UNC45B: variants seen among roughly 807,000 people sequenced by gnomAD.
UNC45B encodes unc-45 myosin chaperone B, also known as protein unc-45 homolog B.
Under a neutral mutation model 98.7 loss-of-function variants are expected in UNC45B, and 78 were observed. The observed-to-expected ratio is 0.79, with a 90% confidence interval of 0.66 to 0.95. The LOEUF is 0.95. Among genes scored for constraint, UNC45B ranks in the 40% least tolerant of loss-of-function variants. The pLI is 0.00. For missense variants in UNC45B, 1,225 were observed against 1,184.9 expected (o/e 1.03, Z -0.50); for synonymous variants, 462 against 480.4 (o/e 0.96, Z 0.50).
At chr17:35,155,898 T>C (rs544348814) in intron 7 of UNC45B, among the ~76,000 whole-genome samples, 5 of 152,306 alleles carry the variant, frequency 3.3e-5, no homozygotes, top group African/African-American at 1.2e-4. Flanking sequence ...ATTATAAAAG[T>C]AACAGGCATA....
chr17:35,176,085 C>T, intron 15 of UNC45B, 51 bp downstream of exon 15: 1 of 1,575,862 alleles, frequency 6.3e-7, no homozygotes, highest in Non-Finnish European at 8.7e-7. Flanking sequence ...TGCTCTTTGC[C>T]TAGCGCAAGA....
At chr17:35,169,751 C>T (rs2092169162) in intron 10 of UNC45B, 86 bp from the exon 11 acceptor site, 2 of 1,198,476 alleles carry the variant, frequency 1.7e-6, no homozygotes, top group Admixed American at 3.5e-5. Flanking sequence ...GTGTTCTGGC[C>T]ATAGAAACCT....
Position 35,177,573 on chromosome 17 carries a change from G to C in UNC45B, c.2218G>C (p.Gly740Arg), listed in dbSNP as rs2092243805. 6.4e-7 allele frequency: 1 copy of C among 1,559,670 alleles called. No individual in the cohort carries two copies. Among genetic ancestry groups the C allele is most frequent in the African/African-American group, 1.4e-5 (1 of 73,398 alleles). ...DGLQNYEALL[G>R]LTNLSGRSDK... ...GCTTCAGAACTATGAGGCTCTCCTAGGCCTCACCAACCTGTCTGGGCGGAG... is the reference window on the plus strand; with the variant it reads ...GCTTCAGAACTATGAGGCTCTCCTACGCCTCACCAACCTGTCTGGGCGGAG... Residue 740 changes from glycine (G) to arginine (R), a missense_variant, in exon 17 of 20, where the codon GGC becomes CGC. By Grantham distance (125) the Gly-to-Arg change is moderately radical. Coordinates refer to ENST00000394570, the MANE Select transcript of UNC45B (RefSeq NM_001267052.2).
intron 12 of UNC45B, 55 bp from the exon 13 acceptor site, chr17:35,171,267 G>C: frequency 6.3e-7 from 1 of 1,593,316 alleles, no homozygotes; most frequent in Non-Finnish European, 8.6e-7. Context: ...GGAAGCAGAG[G>C]TTTGTCCTAA....
chr17:35,163,891 G>T (rs919444092), intron 8 of UNC45B, 104 bp from the exon 9 acceptor site: 1 of 1,292,760 alleles, frequency 7.7e-7, no homozygotes, highest in Non-Finnish European at 1.0e-6. Context: ...GTTTTCTACA[G>T]ACAGGGCTGG....
rs564845439 is a variant in UNC45B at position 35,159,521 on chromosome 17, C to A, written c.955C>A (p.Arg319Ser). ...GGACCTTGCCATTCATGACAACTCACGTACCATCTATGTGGTGGATAATGG... is the reference window on the plus strand; with the variant it reads ...GGACCTTGCCATTCATGACAACTCAAGTACCATCTATGTGGTGGATAATGG... ...RKDLAIHDNS[R>S]TIYVVDNGLR... Residue 319 changes from arginine to serine, a missense_variant, in exon 8 of 20, where the codon CGT becomes AGT. By Grantham distance (110) the Arg-to-Ser change is moderately radical. Coordinates refer to ENST00000394570, the MANE Select transcript of UNC45B (RefSeq NM_001267052.2). 6.2e-7 allele frequency: 1 copy of A among 1,614,000 alleles called. No homozygotes were observed. The highest frequency in any genetic ancestry group is 8.5e-7 in the Non-Finnish European group (1 of 1,179,944).
At chr17:35,164,362 G>T (rs1234861862) in intron 9 of UNC45B, 196 bp downstream of exon 9, 5 of 528,690 alleles carry the variant, frequency 9.5e-6, no homozygotes, top group South Asian at 3.3e-5. Flanking sequence ...GCTGGCTGGG[G>T]CTGCAGCCAT....
Position 35,154,599 on chromosome 17 carries a change from G to A in UNC45B, c.497G>A (p.Gly166Asp). The A allele has an allele frequency of 6.2e-7, 1 of 1,613,586 alleles. No homozygotes were observed. The highest frequency in any genetic ancestry group is 8.5e-7 in the Non-Finnish European group (1 of 1,179,850). The change falls in exon 6 of 20, where the codon GGC becomes GAC. Residue 166 changes from glycine (G) to aspartate (D), a missense_variant. Gly to Asp is a moderately conservative substitution (Grantham distance 94). Transcript: ENST00000394570. ...EKAANNLIVL[G>D]REEAGAEKIF... Reference sequence around the variant, plus strand: ...GCTGCCAACAATCTCATTGTCCTAGGCCGTGAGGAAGCAGGGGCTGAGAAG... The same window carrying A: ...GCTGCCAACAATCTCATTGTCCTAGACCGTGAGGAAGCAGGGGCTGAGAAG...
In UNC45B at chr17:35,150,060, A is replaced by G. The variant is rs777049599; in HGVS notation, c.218A>G (p.Asn73Ser). The G allele has an allele frequency of 1.2e-6, 2 of 1,605,272 alleles. No individual in the cohort carries two copies. Among genetic ancestry groups the G allele is most frequent in the East Asian group, 2.2e-5 (1 of 44,460 alleles). Residue 73 changes from asparagine (N) to serine (S), a missense_variant, in exon 4 of 20, where the codon AAC becomes AGC. Transcript: ENST00000394570. ...CTCCCCTCGATAGCCATCGACATCA[A>G]CTCCTCGGACATCAAGGCTCTGTAT... ...ASDASRAIDI[N>S]SSDIKALYRR...
At chr17:35,154,000 T>C (rs2092040192) in intron 5 of UNC45B, among the ~76,000 whole-genome samples, 1 of 152,116 alleles carries the variant, frequency 6.6e-6, no homozygotes, top group Admixed American at 6.6e-5. Context: ...AATTTACAGA[T>C]GAAGAGTCTG....
At chr17:35,183,008 T>A (rs2092282826) in intron 18 of UNC45B, among the ~76,000 whole-genome samples, 1 of 151,838 alleles carries the variant, frequency 6.6e-6, no homozygotes, top group African/African-American at 2.4e-5. Context: ...AACCACATAA[T>A]TGTTCCCTGC....
At chr17:35,176,117 C>A in intron 15 of UNC45B, 83 bp downstream of exon 15, 1 of 1,393,154 alleles carries the variant, frequency 7.2e-7, no homozygotes, top group Non-Finnish European at 1.0e-6. Flanking sequence ...TCTGCCCCAA[C>A]TCGACCTCCT....
intron 14 of UNC45B, among the ~76,000 whole-genome samples, chr17:35,175,001 G>A (rs924231210): frequency 2.2e-5 from 3 of 139,242 alleles, no homozygotes; most frequent in Non-Finnish European, 4.6e-5. Context: ...AAGGAAGGAG[G>A]GAAGAAAGAA....
At chr17:35,154,103 G>A (rs1435356201) in intron 5 of UNC45B, among the ~76,000 whole-genome samples, 1 of 152,134 alleles carries the variant, frequency 6.6e-6, no homozygotes, top group Non-Finnish European at 1.5e-5. Context: ...GTCCCATCTA[G>A]TGTTTTTGCT....
chr17:35,175,307 G>A (rs2092224966), intron 14 of UNC45B, among the ~76,000 whole-genome samples: 1 of 152,122 alleles, frequency 6.6e-6, no homozygotes, highest in African/African-American at 2.4e-5. Flanking sequence ...TGGCCAGGGA[G>A]GCAGGCAAGA....
chr17:35,174,157 T>A, intron 13 of UNC45B, 85 bp from the exon 14 acceptor site: 1 of 1,572,564 alleles, frequency 6.4e-7, no homozygotes, highest in Non-Finnish European at 8.7e-7. Context: ...ACCCCAAGAA[T>A]TCAGAAATGC....
Position 35,188,958 on chromosome 17 carries a change from T to C in UNC45B, c.*2399T>C, listed in dbSNP as rs577347213. ...GCAGATTTCTTTTTTTTTTCATCTA[T>C]GCTTTCAAATAGGCAGATGCTAGCC... On this transcript the variant is annotated 3_prime_UTR_variant, in exon 20 of 20. Transcript: ENST00000394570. 6.6e-6 allele frequency: 1 copy of C among 152,252 alleles called. No individual in the cohort carries two copies. Among genetic ancestry groups the C allele is most frequent in the African/African-American group, 2.4e-5 (1 of 41,546 alleles). The allele number at this position is 152,252 out of a possible 1,614,324, so 9.4% of individuals were successfully genotyped here. A position where few individuals can be genotyped will look rare whatever the true frequency, so the allele number is the denominator to read the frequency against.
chr17:35,178,442 T>C, intron 17 of UNC45B, among the ~76,000 whole-genome samples: 1 of 152,280 alleles, frequency 6.6e-6, no homozygotes, highest in African/African-American at 2.4e-5. Flanking sequence ...ATATTAGCCC[T>C]TTTTCAGATG....
intron 4 of UNC45B, among the ~76,000 whole-genome samples, chr17:35,152,301 G>A (rs539462509): frequency 6.6e-6 from 1 of 152,204 alleles, no homozygotes; most frequent in East Asian, 1.9e-4. Context: ...GAGTAGTGTG[G>A]ACCCCCCCAA....
Sources: gnomAD v4.1 joint callset for allele counts (sites outside exome capture counted in the v4.1 genomes callset) on GRCh38, gnomAD v4.1.1 for gene constraint, MANE v1.5 for transcripts, NCBI Gene and HGNC (gene_info 2026-07-23, HGNC 2026-07-21) for gene names.